Variants in MEF2A observed in about 807,000 individuals in gnomAD.
MEF2A encodes myocyte enhancer factor 2A.
Under a neutral mutation model 55.8 loss-of-function variants are expected in MEF2A, and 28 were observed. The observed-to-expected ratio is 0.50, with a 90% confidence interval of 0.37 to 0.69. MEF2A has a LOEUF of 0.69. MEF2A is among the 30% of genes least tolerant of loss of function. The probability of loss-of-function intolerance (pLI) is 0.00; values close to 1 mark genes in which losing one functional copy is unlikely to be tolerated. For synonymous variants in MEF2A, 239 were observed against 227.1 expected, an observed-to-expected ratio of 1.05 and a Z score of -0.47; for missense variants, 528 against 626.2, an observed-to-expected ratio of 0.84 and a Z score of 1.67.
intron 2 of MEF2A, among the ~76,000 whole-genome samples, chr15:99,626,993 C>A (rs1024019535): frequency 6.6e-6 from 1 of 151,924 alleles, no homozygotes; most frequent in Non-Finnish European, 1.5e-5. Context: ...AGGTTCATGA[C>A]CTTCATGAAC....
intron 1 of MEF2A, among the ~76,000 whole-genome samples, chr15:99,573,876 A>G (rs973758871): frequency 6.6e-6 from 1 of 152,226 alleles, no homozygotes; most frequent in African/African-American, 2.4e-5. Context: ...TTCCTTTGGC[A>G]AAATGTTTAT....
At position 99,716,483 on chromosome 15, in the gene MEF2A, C is replaced by T. The variant is rs758936701; in HGVS notation, c.*3712C>T. 1.8e-5 allele frequency: 8 copies of T among 456,710 alleles called. No homozygotes were observed. Among genetic ancestry groups the T allele is most frequent in the Admixed American group, 1.2e-4 (5 of 42,564 alleles). The allele number at this position is 456,710 out of a possible 1,614,324, so 28.3% of individuals were successfully genotyped here. Reference sequence around the variant, plus strand: ...CTCCAGTAAAGACGGACTGGCTCTTCCTGTGCGTCGAGACTCTGTCATGTT... The same window carrying T: ...CTCCAGTAAAGACGGACTGGCTCTTTCTGTGCGTCGAGACTCTGTCATGTT... On this transcript the variant is annotated 3_prime_UTR_variant, in exon 12 of 12. Transcript: ENST00000557942.
rs1483585294 is a variant in MEF2A, at chr15:99,605,691, T to C, written c.-143+7180T>C. Among the ~76,000 whole-genome samples, 3 of 148,464 alleles carry C rather than the reference T, an allele frequency of 2.0e-5. No individual in the cohort carries two copies. In the East Asian group the frequency reaches 5.9e-4, roughly 29 times the overall value. On this transcript the variant is annotated intron_variant, in intron 2 of 11. Transcript: ENST00000557942. ...GATTTAAAAAAAAAAAAAAAGGGGC[T>C]GGGTGCAGTGGCTCGTGTCTGTAAT...
At chr15:99,654,058 A>G (rs1468666225) in intron 4 of MEF2A, among the ~76,000 whole-genome samples, 5 of 152,148 alleles carry the variant, frequency 3.3e-5, no homozygotes, top group Admixed American at 2.6e-4. Context: ...ATAATATTAT[A>G]TAATTAAAAT....
At chr15:99,696,070 C>G (rs1323989051) in intron 8 of MEF2A, among the ~76,000 whole-genome samples, 3 of 152,166 alleles carry the variant, frequency 2.0e-5, no homozygotes. Context: ...AAATAACTGT[C>G]TTTAATGTGT....
At chr15:99,625,079 T>C (rs372704532) in intron 2 of MEF2A, among the ~76,000 whole-genome samples, 1 of 152,212 alleles carries the variant, frequency 6.6e-6, no homozygotes, top group African/African-American at 2.4e-5. Context: ...TAAGATAGGA[T>C]AGGCTAAGCT....
chr15:99,686,657 C>T (rs1300914750), intron 7 of MEF2A, among the ~76,000 whole-genome samples: 1 of 152,110 alleles, frequency 6.6e-6, no homozygotes, highest in East Asian at 1.9e-4. Flanking sequence ...AGATTCTTCC[C>T]TTTGTCTTCA....
intron 2 of MEF2A, among the ~76,000 whole-genome samples, chr15:99,616,974 CA>C (rs1408808062): frequency 6.6e-6 from 1 of 152,096 alleles, no homozygotes; most frequent in Non-Finnish European, 1.5e-5. Context: ...TTTAGGAAGC[CA>C]AATCAACAAG....
chr15:99,640,170 A>G (rs2044621583), intron 3 of MEF2A, among the ~76,000 whole-genome samples: 1 of 152,156 alleles, frequency 6.6e-6, no homozygotes, highest in South Asian at 2.1e-4. Flanking sequence ...TATCTTTCAG[A>G]TAACTCTCAT....
At chr15:99,690,743 TA>T in intron 8 of MEF2A, 2 of 462,290 alleles carry the variant, frequency 4.3e-6, no homozygotes, top group Non-Finnish European at 8.4e-6. Context: ...ATGTGGGACC[TA>T]AAAAAATTGG....
intron 1 of MEF2A, among the ~76,000 whole-genome samples, chr15:99,589,341 C>G (rs975041880): frequency 2.6e-5 from 4 of 152,052 alleles, no homozygotes; most frequent in Non-Finnish European, 5.9e-5. Context: ...ATAAAATCAC[C>G]CTTAGTATAC....
At chr15:99,699,974 GTGTGTGTGTGTATATA>G (rs1484370081) in intron 8 of MEF2A, among the ~76,000 whole-genome samples, 11 of 99,408 alleles carry the variant, frequency 1.1e-4, no homozygotes, top group African/African-American at 2.3e-4. Context: ...GTGTGTGTGT[GTGTGTGTGTGTATATA>G]TATATATATA....
intron 4 of MEF2A, among the ~76,000 whole-genome samples, chr15:99,651,710 T>C (rs2046875608): frequency 6.6e-6 from 1 of 152,208 alleles, no homozygotes; most frequent in Non-Finnish European, 1.5e-5. Flanking sequence ...TTTACTACTT[T>C]TATTTTGCTG....
intron 4 of MEF2A, among the ~76,000 whole-genome samples, chr15:99,657,095 T>C (rs1485753724): frequency 6.6e-6 from 1 of 152,104 alleles, no homozygotes; most frequent in Non-Finnish European, 1.5e-5. Flanking sequence ...TAGCATAATG[T>C]TTTCAAGGTC....
chr15:99,657,340 T>TA (rs2047908414), intron 4 of MEF2A: 1 of 151,794 alleles, frequency 6.6e-6, no homozygotes, highest in Non-Finnish European at 1.5e-5. Context: ...AAACATCAAC[T>TA]AAAACCAATA....
intron 1 of MEF2A, among the ~76,000 whole-genome samples, chr15:99,594,632 G>T (rs1970544180): frequency 6.6e-6 from 1 of 152,018 alleles, no homozygotes; most frequent in East Asian, 1.9e-4. Context: ...CTGATGACCA[G>T]CACACGTATT....
intron 4 of MEF2A, among the ~76,000 whole-genome samples, chr15:99,651,179 G>C (rs1002745400): frequency 3.3e-5 from 5 of 152,182 alleles, no homozygotes; most frequent in Non-Finnish European, 7.3e-5. Flanking sequence ...GAGCTTGTGT[G>C]AGTGTGGTTT....
intron 2 of MEF2A, among the ~76,000 whole-genome samples, chr15:99,615,509 G>C (rs570223047): frequency 6.6e-6 from 1 of 152,266 alleles, no homozygotes; most frequent in East Asian, 1.9e-4. Flanking sequence ...TACTTCATAT[G>C]TGTTATCTCT....
At chr15:99,632,205 A>G (rs1265320964) in intron 2 of MEF2A, among the ~76,000 whole-genome samples, 1 of 152,116 alleles carries the variant, frequency 6.6e-6, no homozygotes, top group Non-Finnish European at 1.5e-5. Flanking sequence ...ACACACACGA[A>G]GGTGCTGTGG....
Sources: allele counts gnomAD v4.1 joint callset (sites outside exome capture counted in the v4.1 genomes callset), GRCh38; gene constraint gnomAD v4.1.1; transcripts MANE v1.5; gene names NCBI Gene and HGNC (gene_info 2026-07-23, HGNC 2026-07-21).